PLVAP: variants seen among roughly 807,000 people sequenced by gnomAD.
PLVAP encodes plasmalemma vesicle associated protein.
A neutral mutation model predicts 43.1 loss-of-function variants in PLVAP; 34 were observed. That is an observed-to-expected ratio of 0.79 (90% CI 0.60 to 1.05). The LOEUF (loss-of-function observed/expected upper bound fraction) is 1.05. Among genes scored for constraint, PLVAP ranks in the 50% least tolerant of loss-of-function variants. The probability of loss-of-function intolerance (pLI) is 0.00; values close to 1 mark genes in which losing one functional copy is unlikely to be tolerated. For synonymous variants in PLVAP, 241 were observed against 237.3 expected (o/e 1.02, Z -0.14); for missense variants, 574 against 593.4 (o/e 0.97, Z 0.34).
chr19:17,367,240 G>A lies in PLVAP; in HGVS notation c.370-1045C>T, dbSNP rs546619099. 2.0e-5 allele frequency among the ~76,000 whole-genome samples: 3 copies of A among 151,402 alleles called. No homozygotes were observed. The East Asian group carries it at 5.9e-4, about 30-fold the overall frequency. On this transcript the variant is annotated intron_variant, in intron 1 of 5. Coordinates refer to ENST00000252590, the MANE Select transcript of PLVAP (RefSeq NM_031310.3). ...TTTTTTGTTTTTTTTAAAGAGATGGGGTCTCACTCTGTTGCCCAGGCTAGA... is the reference window on the plus strand; with the variant it reads ...TTTTTTGTTTTTTTTAAAGAGATGGAGTCTCACTCTGTTGCCCAGGCTAGA...
At chr19:17,361,276 A>G (rs561768292) in intron 3 of PLVAP, among the ~76,000 whole-genome samples, 150 of 152,270 alleles carry the variant, frequency 9.9e-4, no homozygotes, top group African/African-American at 3.0e-3. Context: ...AGGGCAGGGT[A>G]ACAGACCCCA....
At chr19:17,352,430 C>T in intron 5 of PLVAP, 62 bp from the exon 6 acceptor site, 2 of 1,573,680 alleles carry the variant, frequency 1.3e-6, no homozygotes, top group Non-Finnish European at 1.7e-6. Flanking sequence ...GCAAACCTCG[C>T]CGGGCCCTGG....
At chr19:17,358,053 C>T (rs1028773977) in intron 5 of PLVAP, among the ~76,000 whole-genome samples, 2 of 152,172 alleles carry the variant, frequency 1.3e-5, no homozygotes, top group Non-Finnish European at 2.9e-5. Flanking sequence ...AATAATAGAA[C>T]CTCCTTCCTT....
At chr19:17,353,183 C>T (rs1331128278) in intron 5 of PLVAP, among the ~76,000 whole-genome samples, 1 of 152,172 alleles carries the variant, frequency 6.6e-6, no homozygotes, top group African/African-American at 2.4e-5. Flanking sequence ...CCCTGGGGCC[C>T]GAGTGGCCTC....
chr19:17,374,637 T>G (rs962499122), intron 1 of PLVAP, among the ~76,000 whole-genome samples: 1 of 151,992 alleles, frequency 6.6e-6, no homozygotes, highest in African/African-American at 2.4e-5. Flanking sequence ...TTTTGTTTTT[T>G]TTTTTCCATT....
chr19:17,371,655 T>C (rs1485536043), intron 1 of PLVAP, among the ~76,000 whole-genome samples: 1 of 152,018 alleles, frequency 6.6e-6, no homozygotes, highest in African/African-American at 2.4e-5. Context: ...CACTCCTGGC[T>C]AATTTTTTAT....
chr19:17,372,180 G>A (rs992379123), intron 1 of PLVAP, among the ~76,000 whole-genome samples: 17 of 151,390 alleles, frequency 1.1e-4, no homozygotes, highest in African/African-American at 3.4e-4. Context: ...GGCTGAGGCA[G>A]GTGGATCACC....
chr19:17,360,665 G>A, intron 4 of PLVAP, 56 bp from the exon 5 acceptor site: 1 of 1,588,374 alleles, frequency 6.3e-7, no homozygotes, highest in Admixed American at 1.7e-5. Context: ...CCTGCCCCTG[G>A]GCTAGGGATG....
At chr19:17,373,582 A>C (rs2074583173) in intron 1 of PLVAP, among the ~76,000 whole-genome samples, 1 of 150,482 alleles carries the variant, frequency 6.6e-6, no homozygotes, top group African/African-American at 2.5e-5. Context: ...CCCTCACCCC[A>C]CCCTCCCATC....
chr19:17,361,746 A>G (rs1487212669), intron 3 of PLVAP, among the ~76,000 whole-genome samples: 2 of 152,040 alleles, frequency 1.3e-5, no homozygotes, highest in African/African-American at 4.8e-5. Context: ...CTCTGACTCC[A>G]ACCATTCTCT....
rs2074537183 is a variant in PLVAP at position 17,363,738 on chromosome 19, C to G, written c.1179+1548G>C. ...TACAGGTGTGTGCCACCACACCCGGCTAATTTTTTTTTTTTTTTTTTTGAG... is the reference window on the plus strand; with the variant it reads ...TACAGGTGTGTGCCACCACACCCGGGTAATTTTTTTTTTTTTTTTTTTGAG... On this transcript the variant is annotated intron_variant, in intron 3 of 5. Transcript: ENST00000252590. Among the ~76,000 whole-genome samples, 3 of 110,808 alleles carry G rather than the reference C, an allele frequency of 2.7e-5. 1 individual carries two copies. In the South Asian group the frequency reaches 9.0e-4, roughly 33 times the overall value. The allele number at this position is 110,808 out of a possible 152,430, so 72.7% of individuals were successfully genotyped here. A position where few individuals can be genotyped will look rare whatever the true frequency, so the allele number is the denominator to read the frequency against.
At position 17,377,186 on chromosome 19, in the gene PLVAP, T is replaced by G. The variant is rs769765004; in HGVS notation, c.103A>C (p.Ile35Leu). 3 of 1,613,946 alleles carry G rather than the reference T, an allele frequency of 1.9e-6. No individual in the cohort carries two copies. Among genetic ancestry groups the G allele is most frequent in the Non-Finnish European group, 1.7e-6 (2 of 1,179,986 alleles). Residue 35 changes from isoleucine to leucine, a missense_variant, in exon 1 of 6, where the codon ATC (isoleucine) becomes CTC (leucine). Coordinates refer to ENST00000252590, the MANE Select transcript of PLVAP (RefSeq NM_031310.3). Reference protein sequence around the residue: ...LRYFFLFVSLIQFLIILGLVL... With the variant: ...LRYFFLFVSLLQFLIILGLVL... ...AGCCCCAGGATGATGAGGAATTGGA[T>G]GAGGGAGACGAAGAGGAAGAAGTAG...
intron 5 of PLVAP, among the ~76,000 whole-genome samples, chr19:17,358,176 C>T (rs1322021966): frequency 6.6e-6 from 1 of 151,332 alleles, no homozygotes; most frequent in East Asian, 1.9e-4. Flanking sequence ...GGGCTGAGAA[C>T]TTTCTCCCAG....
In PLVAP at chr19:17,352,189, G is replaced by T; in HGVS notation, c.*173C>A. The stretch of plus-strand genomic sequence containing the variant: ...CTCTGGGTGAGGGATCGTGAGGCGC[G>T]GGTGCGGGTGTGAGAGGGTACTAGG... On this transcript the variant is annotated 3_prime_UTR_variant, in exon 6 of 6. Coordinates refer to ENST00000252590, the MANE Select transcript of PLVAP (RefSeq NM_031310.3). The T allele has an allele frequency of 4.8e-6, 4 of 832,684 alleles. No homozygotes were observed. Among genetic ancestry groups the T allele is most frequent in the Non-Finnish European group, 7.6e-6 (4 of 528,310 alleles). The allele number at this position is 832,684 out of a possible 1,614,324, so 51.6% of individuals were successfully genotyped here.
At chr19:17,357,700 ACT>A (rs1190349637) in intron 5 of PLVAP, among the ~76,000 whole-genome samples, 1 of 151,588 alleles carries the variant, frequency 6.6e-6, no homozygotes, top group African/African-American at 2.4e-5. Context: ...AATTCCAGTG[ACT>A]CTCCCCAAGT....
chr19:17,372,317 G>C (rs193034866), intron 1 of PLVAP, among the ~76,000 whole-genome samples: 1,934 of 150,580 alleles, frequency 0.013, 20 homozygotes, highest in Non-Finnish European at 0.022. Context: ...GCTGAGGTAG[G>C]AGAATCACTT....
chr19:17,377,196 G>T lies in PLVAP; in HGVS notation c.93C>A (p.Phe31Leu). 1 of 1,614,138 alleles carries T rather than the reference G, an allele frequency of 6.2e-7. No homozygotes were observed. Among genetic ancestry groups the T allele is most frequent in the East Asian group, 2.2e-5 (1 of 44,874 alleles). ...CWYYLRYFFL[F>L]VSLIQFLIIL... is the part of the protein sequence containing the mutation. The stretch of plus-strand genomic sequence containing the variant: ...TGATGAGGAATTGGATGAGGGAGAC[G>T]AAGAGGAAGAAGTAGCGCAGGTAAT... Residue 31 changes from phenylalanine to leucine, a missense_variant, in exon 1 of 6, where the codon TTC becomes TTA. Physicochemically the swap from Phe to Leu is conservative, Grantham distance 22. Transcript: ENST00000252590.
intron 5 of PLVAP, among the ~76,000 whole-genome samples, chr19:17,354,722 C>T (rs1283274378): frequency 2.6e-5 from 4 of 151,334 alleles, no homozygotes; most frequent in African/African-American, 9.7e-5. Context: ...CACAGTGAAA[C>T]CCCGCCTCTA....
rs2074484757 is a variant in PLVAP, at chr19:17,351,555, G to A, written c.*807C>T. Reference sequence around the variant, plus strand: ...GGAGTGGCTCCCCTCCCGACAACAGGTGACCCTCACCCCCGGCTCAGGGCC... The same window carrying A: ...GGAGTGGCTCCCCTCCCGACAACAGATGACCCTCACCCCCGGCTCAGGGCC... On this transcript the variant is annotated 3_prime_UTR_variant, in exon 6 of 6. Transcript: ENST00000252590. 1 of 152,276 alleles carries A rather than the reference G, an allele frequency of 6.6e-6. No homozygotes were observed. The allele number at this position is 152,276 out of a possible 1,614,324, so 9.4% of individuals were successfully genotyped here. A position where few individuals can be genotyped will look rare whatever the true frequency, so the allele number is the denominator to read the frequency against.
Sources: allele counts gnomAD v4.1 joint callset (sites outside exome capture counted in the v4.1 genomes callset), GRCh38; gene constraint gnomAD v4.1.1; transcripts MANE v1.5; gene names NCBI Gene and HGNC (gene_info 2026-07-23, HGNC 2026-07-21).